Variants in VPS13A observed in about 807,000 individuals in gnomAD.
VPS13A encodes intermembrane lipid transfer protein VPS13A.
VPS13A carries 264 observed loss-of-function variants against 390.9 expected under a neutral mutation model. The observed-to-expected ratio is 0.68, with a 90% CI of 0.61 to 0.75. The LOEUF is 0.75. Ranked by LOEUF, VPS13A falls within the 30% of genes least tolerant of loss-of-function variation. VPS13A has a pLI of 0.00. For missense variants in VPS13A, 3,409 were observed against 3,733.9 expected, an observed-to-expected ratio of 0.91 and a Z score of 2.27; for synonymous variants, 1,231 against 1,227.1, an observed-to-expected ratio of 1.00 and a Z score of -0.07.
chr9:77,364,332 G>C (rs1006890335), intron 59 of VPS13A, among the ~76,000 whole-genome samples: 1 of 152,122 alleles, frequency 6.6e-6, no homozygotes, highest in African/African-American at 2.4e-5. Context: ...GGCTGAGGCA[G>C]GAGAATTGCT....
At chr9:77,198,855 A>G (rs951712786) in intron 1 of VPS13A, among the ~76,000 whole-genome samples, 3 of 151,934 alleles carry the variant, frequency 2.0e-5, no homozygotes, top group Non-Finnish European at 4.4e-5. Context: ...TAGAGATGGG[A>G]TTTCACCATT....
intron 31 of VPS13A, among the ~76,000 whole-genome samples, chr9:77,292,069 T>C (rs552697162): frequency 6.6e-6 from 1 of 152,286 alleles, no homozygotes; most frequent in South Asian, 2.1e-4. Flanking sequence ...CTTATGGCTA[T>C]TGTTTTGAGT....
At chr9:77,275,775 C>G (rs1352021028) in intron 25 of VPS13A, 123 bp downstream of exon 25, 1 of 1,186,380 alleles carries the variant, frequency 8.4e-7, no homozygotes, top group African/African-American at 1.5e-5. Context: ...TAATTCCAGA[C>G]TTGCTGTGTG....
Position 77,275,501 on chromosome 9 carries a change from C to A in VPS13A, c.2516C>A (p.Ser839Ter). The change falls in exon 25 of 72, where the codon TCA becomes TAA. Residue 839 changes from serine to a stop codon, truncating the protein, a stop_gained. Coordinates refer to ENST00000360280, the MANE Select transcript of VPS13A (RefSeq NM_033305.3). LOFTEE classifies it high-confidence loss of function. ...LELPSVSEDD[S>*]EEEFFDAPCS... ...AATAATGTTCTGTGAAATGTAGATTCAGAGGAGGAATTTTTTGATGCACCA... is the reference window on the plus strand; with the variant it reads ...AATAATGTTCTGTGAAATGTAGATTAAGAGGAGGAATTTTTTGATGCACCA... 1 of 1,613,314 alleles carries A rather than the reference C, an allele frequency of 6.2e-7. No homozygotes were observed. The highest frequency in any genetic ancestry group is 8.5e-7 in the Non-Finnish European group (1 of 1,179,536).
intron 45 of VPS13A, among the ~76,000 whole-genome samples, chr9:77,325,091 A>G (rs1291001067): frequency 6.6e-6 from 1 of 152,218 alleles, no homozygotes; most frequent in Non-Finnish European, 1.5e-5. Context: ...ACCAAAAATC[A>G]GGCAAGTACT....
intron 70 of VPS13A, among the ~76,000 whole-genome samples, chr9:77,407,200 A>T (rs191000452): frequency 1.3e-5 from 2 of 152,280 alleles, no homozygotes; most frequent in East Asian, 3.9e-4. Context: ...ACAACTGTGT[A>T]AGAAATTATT....
rs767620970 is a variant in VPS13A at position 77,339,510 on chromosome 9, T to A, written c.6379-6T>A. On this transcript the variant is annotated splice_polypyrimidine_tract_variant and splice_region_variant and intron_variant, in intron 47 of 71. Transcript: ENST00000360280. ...TTTTGTTTTGTTTTTTTTTTTTTTA[T>A]TACAGGGAATTGAAAATTCGGTTTT... 11 of 1,533,294 alleles carry A rather than the reference T, an allele frequency of 7.2e-6. No individual in the cohort carries two copies. The highest frequency in any genetic ancestry group is 6.2e-5 in the Admixed American group (3 of 48,362). 95.0% of individuals were successfully genotyped at this position (1,533,294 alleles called of 1,614,324 possible). A position where few individuals can be genotyped will look rare whatever the true frequency, so the allele number is the denominator to read the frequency against.
intron 44 of VPS13A, 143 bp from the exon 45 acceptor site, chr9:77,322,924 C>T: frequency 4.8e-6 from 3 of 620,814 alleles, no homozygotes; most frequent in African/African-American, 1.9e-5. Flanking sequence ...TTAAAATATC[C>T]CTTTTATGGA....
intron 21 of VPS13A, among the ~76,000 whole-genome samples, chr9:77,250,649 C>A (rs1825103113): frequency 6.6e-6 from 1 of 152,144 alleles, no homozygotes; most frequent in South Asian, 2.1e-4. Flanking sequence ...AGTTGGATAA[C>A]CAGAAGACAT....
intron 50 of VPS13A, among the ~76,000 whole-genome samples, chr9:77,343,769 C>A (rs1830976458): frequency 1.3e-5 from 2 of 152,086 alleles, no homozygotes. Context: ...AATGTTCATA[C>A]CTGATTTTGA....
intron 68 of VPS13A, among the ~76,000 whole-genome samples, chr9:77,390,418 C>T (rs1833853390): frequency 6.6e-6 from 1 of 152,068 alleles, no homozygotes; most frequent in Admixed American, 6.6e-5. Context: ...AAATGTTGAA[C>T]ATTTAATAGT....
At chr9:77,308,451 C>G (rs906048751) in intron 35 of VPS13A, among the ~76,000 whole-genome samples, 1 of 152,106 alleles carries the variant, frequency 6.6e-6, no homozygotes, top group Non-Finnish European at 1.5e-5. Flanking sequence ...TCCCTTTCCC[C>G]CATCTTCTCC....
chr9:77,307,971 A>G lies in VPS13A; in HGVS notation c.3987A>G (p.Thr1329=). 1 of 1,598,224 alleles carries G rather than the reference A, an allele frequency of 6.3e-7. No individual in the cohort carries two copies. The highest frequency in any genetic ancestry group is 8.6e-7 in the Non-Finnish European group (1 of 1,165,698). ...MEFILSQEDI[T]TIFKTLHGNI... The stretch of plus-strand genomic sequence containing the variant: ...TCATTCTTAGTCAAGAAGATATAAC[A>G]ACTATTTTTAAAACATTGCATGGCA... Residue 1329 remains threonine (T), a synonymous_variant, in exon 35 of 72, where the codon ACA becomes ACG. Coordinates refer to ENST00000360280, the MANE Select transcript of VPS13A (RefSeq NM_033305.3).
At chr9:77,415,901 G>C in intron 71 of VPS13A, 55 bp from the exon 72 acceptor site, 1 of 1,596,538 alleles carries the variant, frequency 6.3e-7, no homozygotes, top group South Asian at 1.1e-5. Flanking sequence ...ATTACATTTT[G>C]TTTCATTACA....
intron 32 of VPS13A, among the ~76,000 whole-genome samples, chr9:77,294,812 C>T (rs990443978): frequency 2.6e-5 from 4 of 152,058 alleles, no homozygotes; most frequent in Non-Finnish European, 1.5e-5. Flanking sequence ...ACAAGCAAAT[C>T]CCATCTCAGC....
At chr9:77,366,698 T>G (rs1199199890) in intron 60 of VPS13A, 29 bp from the exon 61 acceptor site, 1 of 1,569,096 alleles carries the variant, frequency 6.4e-7, no homozygotes, top group South Asian at 1.2e-5. Context: ...AGAAAATACT[T>G]TTAAATATTT....
Position 77,321,719 on chromosome 9 carries a change from A to C in VPS13A, c.5803A>C (p.Ser1935Arg). Reference protein sequence around the residue: ...NDHFNAMTSLSSKLFFILLTP... With the variant: ...NDHFNAMTSLRSKLFFILLTP... ...TCATTTCAATGCAATGACCAGCCTAAGCAGCAAACTCTTCTTCATTCTTCT... is the reference window on the plus strand; with the variant it reads ...TCATTTCAATGCAATGACCAGCCTACGCAGCAAACTCTTCTTCATTCTTCT... Residue 1935 changes from serine to arginine, a missense_variant, in exon 44 of 72, where the codon AGC (serine) becomes CGC (arginine). Transcript: ENST00000360280. The C allele has an allele frequency of 6.2e-7, 1 of 1,613,304 alleles. No individual in the cohort carries two copies. The highest frequency in any genetic ancestry group is 1.1e-5 in the South Asian group (1 of 91,028).
At chr9:77,226,631 C>T (rs1401505005) in intron 15 of VPS13A, 33 bp downstream of exon 15, 4 of 1,596,892 alleles carry the variant, frequency 2.5e-6, no homozygotes, top group Middle Eastern at 3.3e-4. Context: ...CATAGTTAAT[C>T]ACTGGGTGTC....
At chr9:77,351,032 A>C in intron 52 of VPS13A, 1 of 344,994 alleles carries the variant, frequency 2.9e-6, no homozygotes, top group Non-Finnish European at 5.5e-6. Flanking sequence ...AGTTGGAATA[A>C]TTTTCCATAA....
Sources: gnomAD v4.1 joint callset for allele counts (sites outside exome capture counted in the v4.1 genomes callset) on GRCh38, gnomAD v4.1.1 for gene constraint, MANE v1.5 for transcripts, NCBI Gene and HGNC (gene_info 2026-07-23, HGNC 2026-07-21) for gene names.